Variants in BNC2 observed in about 807,000 individuals in gnomAD.
BNC2 encodes zinc finger protein basonuclin-2.
BNC2 carries 20 observed loss-of-function variants against 76.3 expected under a neutral mutation model. That is an observed-to-expected ratio of 0.26 (90% CI 0.18 to 0.38). BNC2 has a LOEUF of 0.38. BNC2 is among the 10% of genes least tolerant of loss of function. BNC2 has a pLI of 1.00. For synonymous variants in BNC2, 582 were observed against 514.8 expected (o/e 1.13, Z -1.77); for missense variants, 1,382 against 1,399.8 (o/e 0.99, Z 0.20).
At chr9:16,482,571 G>A (rs1822080488) in intron 5 of BNC2, among the ~76,000 whole-genome samples, 1 of 152,158 alleles carries the variant, frequency 6.6e-6, no homozygotes, top group African/African-American at 2.4e-5. Context: ...CTGATTCTAA[G>A]ACTCTCGTTT....
chr9:16,514,377 C>A (rs7037176), intron 5 of BNC2, among the ~76,000 whole-genome samples: 46,717 of 152,052 alleles, frequency 0.31, 7,596 homozygotes, highest in Non-Finnish European at 0.37. Context: ...ACTGGGAGGA[C>A]AACAAAAGGA....
intron 1 of BNC2, among the ~76,000 whole-genome samples, chr9:16,808,925 A>C (rs1471016472): frequency 3.3e-5 from 5 of 152,016 alleles, no homozygotes; most frequent in Non-Finnish European, 7.4e-5. Context: ...CAGAGGTACT[A>C]ATGTACTTGG....
intron 3 of BNC2, among the ~76,000 whole-genome samples, chr9:16,677,578 A>AACACAAACACACACACACACACACACAC (rs1822687644): frequency 1.4e-5 from 2 of 139,256 alleles, no homozygotes; most frequent in African/African-American, 5.6e-5. Flanking sequence ...GTCTCAAACA[A>AACACAAACACACACACACACACACACAC]ACACACACAC....
At chr9:16,835,746 A>G (rs1179286619) in intron 1 of BNC2, among the ~76,000 whole-genome samples, 1 of 152,190 alleles carries the variant, frequency 6.6e-6, no homozygotes, top group Non-Finnish European at 1.5e-5. Context: ...TCTAGCAGAA[A>G]ACTATTGTGT....
chr9:16,755,307 TAATCAGTGAAC>T (rs1375827344), intron 1 of BNC2, among the ~76,000 whole-genome samples: 1 of 151,972 alleles, frequency 6.6e-6, no homozygotes, highest in Non-Finnish European at 1.5e-5. Flanking sequence ...AGAGAATGCA[TAATCAGTGAAC>T]AAAAGGAAAG....
At chr9:16,599,515 G>A (rs1239293706) in intron 3 of BNC2, among the ~76,000 whole-genome samples, 2 of 152,194 alleles carry the variant, frequency 1.3e-5, no homozygotes, top group African/African-American at 4.8e-5. Flanking sequence ...CAGGCGCAGT[G>A]GCTCACGCCT....
chr9:16,645,275 C>T (rs1821591036), intron 3 of BNC2, among the ~76,000 whole-genome samples: 1 of 152,146 alleles, frequency 6.6e-6, no homozygotes, highest in Non-Finnish European at 1.5e-5. Context: ...AGAATCTTGT[C>T]TCAAAATCTT....
chr9:16,439,878 T>C (rs941472278), intron 5 of BNC2, among the ~76,000 whole-genome samples: 1 of 152,186 alleles, frequency 6.6e-6, no homozygotes, highest in Non-Finnish European at 1.5e-5. Flanking sequence ...ATCATGTAGA[T>C]AGAATTGGCC....
At chr9:16,850,593 G>T (rs1369952830) in intron 1 of BNC2, among the ~76,000 whole-genome samples, 1 of 152,260 alleles carries the variant, frequency 6.6e-6, no homozygotes, top group Non-Finnish European at 1.5e-5. Context: ...AAATAGGCTG[G>T]GGGTGGTAGC....
At chr9:16,582,597 G>T (rs538470620) in intron 4 of BNC2, among the ~76,000 whole-genome samples, 7 of 152,142 alleles carry the variant, frequency 4.6e-5, no homozygotes, top group African/African-American at 1.7e-4. Context: ...AGCAGTCATC[G>T]AGGAGTTCTC....
intron 5 of BNC2, among the ~76,000 whole-genome samples, chr9:16,510,118 G>T (rs761574086): frequency 3.9e-5 from 6 of 152,164 alleles, no homozygotes; most frequent in Non-Finnish European, 8.8e-5. Context: ...CCACGGTCAG[G>T]GAGACCTCTG....
intron 1 of BNC2, among the ~76,000 whole-genome samples, chr9:16,764,887 GGGAGGGAAAGAA>G (rs1175490959): frequency 6.6e-6 from 1 of 151,420 alleles, no homozygotes; most frequent in Non-Finnish European, 1.5e-5. Context: ...ATAAATGAGA[GGGAGGGAAAGAA>G]GGAGGGAAGG....
chr9:16,531,704 AG>A (rs1817980139), intron 5 of BNC2, among the ~76,000 whole-genome samples: 1 of 152,212 alleles, frequency 6.6e-6, no homozygotes. Flanking sequence ...TAATACTCAA[AG>A]GGTTATACAC....
chr9:16,568,595 A>G (rs1423116225), intron 4 of BNC2, among the ~76,000 whole-genome samples: 1 of 152,146 alleles, frequency 6.6e-6, no homozygotes, highest in African/African-American at 2.4e-5. Context: ...TGGAATCATT[A>G]TCACATCAAT....
intron 1 of BNC2, among the ~76,000 whole-genome samples, chr9:16,773,863 T>A (rs931639388): frequency 6.6e-6 from 1 of 152,226 alleles, no homozygotes; most frequent in African/African-American, 2.4e-5. Context: ...TGAATACAAA[T>A]AATGTGCTTG....
intron 4 of BNC2, among the ~76,000 whole-genome samples, chr9:16,582,215 G>GA (rs142327130): frequency 2.7e-4 from 40 of 147,414 alleles, no homozygotes; most frequent in South Asian, 2.6e-3. Context: ...CTGGGAGGTG[G>GA]AAAAAAAAAC....
chr9:16,821,617 T>C (rs1465400536), intron 1 of BNC2, among the ~76,000 whole-genome samples: 4 of 152,130 alleles, frequency 2.6e-5, no homozygotes, highest in African/African-American at 4.8e-5. Flanking sequence ...GGCTAAACTG[T>C]AGAAGTTGCA....
intron 6 of BNC2, 136 bp downstream of exon 6, chr9:16,435,419 T>C: frequency 9.4e-7 from 1 of 1,068,822 alleles, no homozygotes; most frequent in Non-Finnish European, 1.4e-6. Flanking sequence ...AGCCTAGTTA[T>C]CACATGATCA....
intron 5 of BNC2, among the ~76,000 whole-genome samples, chr9:16,504,451 A>C (rs555773129): frequency 2.2e-4 from 34 of 151,770 alleles, no homozygotes; most frequent in African/African-American, 7.5e-4. Context: ...TGACATACTG[A>C]CTCCCAAAAT....
Sources: gnomAD v4.1 joint callset for allele counts (sites outside exome capture counted in the v4.1 genomes callset) on GRCh38, gnomAD v4.1.1 for gene constraint, MANE v1.5 for transcripts, NCBI Gene and HGNC (gene_info 2026-07-23, HGNC 2026-07-21) for gene names.